WASHC2C: variants seen among roughly 807,000 people sequenced by gnomAD.
WASHC2C encodes the protein WASH complex subunit 2C.
WASHC2C carries 73 observed loss-of-function variants against 142.2 expected under a neutral mutation model. The ratio of observed to expected loss-of-function variants is 0.51; its 90% CI spans 0.43 to 0.62. WASHC2C has a LOEUF of 0.62. Ranked by LOEUF, WASHC2C falls within the 20% of genes least tolerant of loss-of-function variation. The probability of loss-of-function intolerance (pLI) is 0.00; values close to 1 mark genes in which losing one functional copy is unlikely to be tolerated. For missense variants in WASHC2C, 969 were observed against 1,531.7 expected, an observed-to-expected ratio of 0.63 and a Z score of 6.13; for synonymous variants, 337 against 565.5, an observed-to-expected ratio of 0.60 and a Z score of 5.73.
intron 11 of WASHC2C, among the ~76,000 whole-genome samples, chr10:45,751,969 T>A (rs1213428864): frequency 2.0e-5 from 3 of 152,166 alleles, no homozygotes; most frequent in African/African-American, 7.2e-5. Context: ...GGTGCGAGAC[T>A]CCATCCCAAA....
intron 29 of WASHC2C, 128 bp from the exon 30 acceptor site, chr10:45,790,228 A>G: frequency 1.4e-6 from 2 of 1,474,830 alleles, no homozygotes; most frequent in Non-Finnish European, 1.8e-6. Flanking sequence ...CATCCCAGGC[A>G]GAGTGGGCAG....
In WASHC2C at chr10:45,761,667, T is replaced by C. The variant is rs182241531; in HGVS notation, c.1636-1721T>C. On this transcript the variant is annotated intron_variant, in intron 17 of 30. Transcript: ENST00000623400. The stretch of plus-strand genomic sequence containing the variant: ...TGAAGTGTGAGGCTGAAGCTTGCCC[T>C]GTGAAGTCATTTTGGGGGAACATAT... Among the ~76,000 whole-genome samples the C allele has an allele frequency of 3.2e-3, 488 of 152,336 alleles. 1 individual carries two copies. Among genetic ancestry groups the C allele is most frequent in the African/African-American group, 0.011 (464 of 41,578 alleles).
Position 45,789,406 on chromosome 10 carries a change from T to A in WASHC2C, c.3623T>A (p.Leu1208His), listed in dbSNP as rs1360464763. 244 of 1,611,922 alleles carry A rather than the reference T, an allele frequency of 1.5e-4. No individual in the cohort carries two copies. Among genetic ancestry groups the A allele is most frequent in the Non-Finnish European group, 2.0e-4 (231 of 1,179,870 alleles). ...CCTCTCCTGGAAGATGAGGATGACC[T>A]CTTTACAGATCAGAAAGTCAAGAAG... is the stretch of plus-strand genomic sequence containing the variant. ...PFPLLEDEDD[L>H]FTDQKVKKNE... is the part of the protein sequence containing the mutation. The change falls in exon 29 of 31, where the codon CTC (leucine) becomes CAC (histidine). Residue 1208 changes from leucine to histidine, a missense_variant. Transcript: ENST00000623400.
At chr10:45,761,359 G>T (rs868911993) in intron 17 of WASHC2C, among the ~76,000 whole-genome samples, 185 of 150,362 alleles carry the variant, frequency 1.2e-3, no homozygotes, top group African/African-American at 3.3e-3. Flanking sequence ...GTCAACGGTG[G>T]TCCTTTTCCT....
intron 20 of WASHC2C, 150 bp from the exon 21 acceptor site, chr10:45,773,106 G>C (rs1369250088): frequency 2.2e-6 from 1 of 445,734 alleles, no homozygotes; most frequent in African/African-American, 2.1e-5. Flanking sequence ...TTTCCTGTTT[G>C]CTTTCAACTG....
At chr10:45,776,099 T>C (rs1287608184) in intron 21 of WASHC2C, among the ~76,000 whole-genome samples, 1 of 152,222 alleles carries the variant, frequency 6.6e-6, no homozygotes, top group African/African-American at 2.4e-5. Context: ...CAGTGTTCTT[T>C]TATGTCAAGT....
At chr10:45,742,202 C>CT (rs2052165106) in intron 5 of WASHC2C, among the ~76,000 whole-genome samples, 1 of 151,928 alleles carries the variant, frequency 6.6e-6, no homozygotes, top group African/African-American at 2.4e-5. Flanking sequence ...CCTGCCCTCA[C>CT]TCTGTTTTCT....
At position 45,738,040 on chromosome 10, in the gene WASHC2C, G is replaced by A. The variant is rs571602173; in HGVS notation, c.349G>A (p.Glu117Lys). ...ACTCAAGGCTGAGGCAGAAAAAACA[G>A]AGCAGGTACTTGTATAAAATCACTC... ...PVLKAEAEKTEQEKTREQKEV... is the reference protein window; with the variant it reads ...PVLKAEAEKTKQEKTREQKEV... Residue 117 changes from glutamate (E) to lysine (K), a missense_variant, in exon 4 of 31, where the codon GAG becomes AAG. By Grantham distance (56) the Glu-to-Lys change is moderately conservative (BLOSUM62 1). Transcript: ENST00000623400. The A allele has an allele frequency of 6.2e-7, 1 of 1,611,804 alleles. No individual in the cohort carries two copies. The highest frequency in any genetic ancestry group is 2.2e-5 in the East Asian group (1 of 44,858).
chr10:45,743,248 T>G, intron 5 of WASHC2C, 142 bp from the exon 6 acceptor site: 2 of 1,334,312 alleles, frequency 1.5e-6, no homozygotes, highest in Non-Finnish European at 2.1e-6. Context: ...TTTTTTAACT[T>G]TTAGTCCTGC....
intron 21 of WASHC2C, among the ~76,000 whole-genome samples, chr10:45,775,810 C>G (rs2057025555): frequency 6.6e-6 from 1 of 151,852 alleles, no homozygotes; most frequent in African/African-American, 2.4e-5. Flanking sequence ...TCCCTAGTAG[C>G]TGGGACTACA....
At chr10:45,736,121 A>G (rs1405775702) in intron 3 of WASHC2C, among the ~76,000 whole-genome samples, 2 of 138,984 alleles carry the variant, frequency 1.4e-5, no homozygotes, top group Non-Finnish European at 3.1e-5. Context: ...AAAAAAAAAA[A>G]TGCAGGCCGG....
chr10:45,728,628 C>T (rs1308383056), intron 2 of WASHC2C, among the ~76,000 whole-genome samples: 3 of 151,460 alleles, frequency 2.0e-5, no homozygotes, highest in Admixed American at 6.6e-5. Flanking sequence ...ATTCCAGCTA[C>T]TCGGGAGGCT....
chr10:45,757,120 A>C lies in WASHC2C; in HGVS notation c.1529A>C (p.Lys510Thr), dbSNP rs1276071474. 9.3e-6 allele frequency: 15 copies of C among 1,604,910 alleles called. No individual in the cohort carries two copies. In the African/African-American group the frequency reaches 1.4e-4, roughly 14 times the overall value. ...EATVSQTDEN[K>T]ARAEKKVTLS... is the part of the protein sequence containing the mutation. ...ACTGTGAGTCAGACAGATGAAAATA[A>C]AGCAAGAGCAGAAAAAAAGGTGAGC... The change falls in exon 16 of 31, where the codon AAA (lysine) becomes ACA (threonine). Residue 510 changes from lysine to threonine, a missense_variant. By Grantham distance (78) the Lys-to-Thr change is moderately conservative (BLOSUM62 -1). Transcript: ENST00000623400.
chr10:45,763,848 C>T (rs1462017326), intron 18 of WASHC2C, among the ~76,000 whole-genome samples: 1 of 151,796 alleles, frequency 6.6e-6, no homozygotes, highest in African/African-American at 2.4e-5. Context: ...ACTACAGGTA[C>T]GCACCACCAC....
chr10:45,762,953 T>C (rs1276528568), intron 17 of WASHC2C, among the ~76,000 whole-genome samples: 1 of 152,182 alleles, frequency 6.6e-6, no homozygotes, highest in Non-Finnish European at 1.5e-5. Flanking sequence ...AGGAGGGTGT[T>C]ACTAAATAAA....
chr10:45,736,448 A>G (rs541761444), intron 3 of WASHC2C, among the ~76,000 whole-genome samples: 72 of 150,152 alleles, frequency 4.8e-4, no homozygotes, highest in Non-Finnish European at 9.3e-4. Context: ...GGGCAAAAAC[A>G]AATTAGCCGG....
intron 3 of WASHC2C, among the ~76,000 whole-genome samples, chr10:45,734,359 CTGTGTGTGTGTG>C (rs139735516): frequency 4.7e-5 from 7 of 148,058 alleles, no homozygotes; most frequent in African/African-American, 1.8e-4. Flanking sequence ...TTCTAGATGA[CTGTGTGTGTGTG>C]TGTGTGTGTG....
chr10:45,739,271 C>T (rs1486612240), intron 4 of WASHC2C, among the ~76,000 whole-genome samples: 1 of 149,758 alleles, frequency 6.7e-6, no homozygotes, highest in Non-Finnish European at 1.5e-5. Flanking sequence ...AGATAAAAGA[C>T]TAAAATGCTC....
intron 5 of WASHC2C, among the ~76,000 whole-genome samples, chr10:45,740,763 T>C (rs2805135): frequency 1.3e-5 from 2 of 152,378 alleles, no homozygotes; most frequent in South Asian, 2.1e-4. Flanking sequence ...TGAGCATTCA[T>C]GTCCAGGCTC....
Sources: allele counts gnomAD v4.1 joint callset (sites outside exome capture counted in the v4.1 genomes callset), GRCh38; gene constraint gnomAD v4.1.1; transcripts MANE v1.5; gene names NCBI Gene and HGNC (gene_info 2026-07-23, HGNC 2026-07-21).